Variants in CEP44 observed in about 807,000 individuals in gnomAD.
CEP44 encodes the protein centrosomal protein of 44 kDa.
In CEP44, 45 loss-of-function variants were observed where a neutral mutation model predicts 46.7. The ratio of observed to expected loss-of-function variants is 0.96; its 90% CI spans 0.76 to 1.24. The LOEUF is 1.24. CEP44 is among the 50% of genes most tolerant of loss of function. The pLI, the probability that CEP44 is intolerant of heterozygous loss-of-function variation, is 0.00. For missense variants in CEP44, 475 were observed against 459.7 expected, an observed-to-expected ratio of 1.03 and a Z score of -0.30; for synonymous variants, 142 against 146.0, an observed-to-expected ratio of 0.97 and a Z score of 0.20.
At position 174,308,762 on chromosome 4, in the gene CEP44, T is replaced by C. The variant is rs760278137; in HGVS notation, c.581T>C (p.Ile194Thr). Residue 194 changes from isoleucine to threonine, a missense_variant, in exon 7 of 12, where the codon ATA (isoleucine) becomes ACA (threonine). Transcript: ENST00000503780. The stretch of plus-strand genomic sequence containing the variant: ...ATTTCTGAGGATACATTAAGTCCAA[T>C]AACAGATGTTAATGAAGCAGTTGAT... ...VDISEDTLSP[I>T]TDVNEAVDVS... 2 of 1,613,310 alleles carry C rather than the reference T, an allele frequency of 1.2e-6. No individual in the cohort carries two copies. The highest frequency in any genetic ancestry group is 1.1e-5 in the South Asian group (1 of 91,044).
chr4:174,302,640 T>C (rs1432596504), intron 4 of CEP44, among the ~76,000 whole-genome samples: 2 of 152,170 alleles, frequency 1.3e-5, no homozygotes, highest in Non-Finnish European at 2.9e-5. Flanking sequence ...CTAGTATTTA[T>C]ACTTGTACTA....
rs1041979858 is a variant in CEP44, at chr4:174,312,014, A to G, written c.961+1156A>G. Among the ~76,000 whole-genome samples, 7 of 152,204 alleles carry G rather than the reference A, an allele frequency of 4.6e-5. No individual in the cohort carries two copies. Among genetic ancestry groups the G allele is most frequent in the Non-Finnish European group, 7.4e-5 (5 of 68,026 alleles). ...ATTCAACAAATGTTAATGCTTGAGT[A>G]TAAGATCCTTGAGAGCAAAAACTTT... is the stretch of plus-strand genomic sequence containing the variant. On this transcript the variant is annotated intron_variant, in intron 9 of 11. Transcript: ENST00000503780. The surrounding 1 kb of genome is among the most constrained non-coding windows in gnomAD (Gnocchi z 4.5).
Position 174,309,096 on chromosome 4 carries a change from T to TA in CEP44, c.678+238dup, listed in dbSNP as rs891758177. ...TGGGGTGATGCAAAGTAGAATAAGATATGGTACTTGGCTTTAAGGAATCTA... is the reference window on the plus strand; with the variant it reads ...TGGGGTGATGCAAAGTAGAATAAGATAATGGTACTTGGCTTTAAGGAATCTA... On this transcript the variant is annotated intron_variant, in intron 7 of 11. Coordinates refer to ENST00000503780, the MANE Select transcript of CEP44 (RefSeq NM_001040157.3). This position sits in a 1 kb window ranked among gnomAD's most constrained non-coding sequence, Gnocchi z 5.3. Among the ~76,000 whole-genome samples the TA allele has an allele frequency of 5.3e-5, 8 of 152,128 alleles. No individual in the cohort carries two copies. The highest frequency in any genetic ancestry group is 1.9e-4 in the African/African-American group (8 of 41,448).
chr4:174,313,169 C>G (rs549660032), intron 9 of CEP44, among the ~76,000 whole-genome samples: 2 of 152,036 alleles, frequency 1.3e-5, no homozygotes, highest in South Asian at 2.1e-4. Flanking sequence ...CTTGTTTTGT[C>G]TATGTTCGGA....
chr4:174,320,775 A>G (rs1037822237), downstream of CEP44, among the ~76,000 whole-genome samples: 12 of 151,650 alleles, frequency 7.9e-5, no homozygotes, highest in African/African-American at 2.9e-4. Context: ...TTACTGAACC[A>G]TTTAAGCAGC....
At chr4:174,320,444 T>A, downstream of CEP44, 1 of 486,644 alleles carries the variant, frequency 2.1e-6, no homozygotes, top group Non-Finnish European at 2.7e-6. Context: ...CTTTTTGAGC[T>A]CAAATAACAT....
intron 1 of CEP44, among the ~76,000 whole-genome samples, chr4:174,294,725 A>ACC (rs1456880643): frequency 9.5e-6 from 1 of 105,596 alleles, no homozygotes; most frequent in African/African-American, 3.8e-5. Context: ...CGGGGGGCTG[A>ACC]CCACCCCCCA....
downstream of CEP44, among the ~76,000 whole-genome samples, chr4:174,322,580 C>T (rs754344151): frequency 3.3e-5 from 5 of 152,070 alleles, no homozygotes; most frequent in East Asian, 9.6e-4. Context: ...GTCCTCCCTG[C>T]GAAACTATGA....
Position 174,316,267 on chromosome 4 carries a change from T to C in CEP44, c.1063T>C (p.Cys355Arg). The C allele has an allele frequency of 6.2e-7, 1 of 1,611,378 alleles. No homozygotes were observed. The highest frequency in any genetic ancestry group is 1.1e-5 in the South Asian group (1 of 91,036). Residue 355 changes from cysteine (C) to arginine (R), a missense_variant, in exon 10 of 12, where the codon TGT becomes CGT. Coordinates refer to ENST00000503780, the MANE Select transcript of CEP44 (RefSeq NM_001040157.3). ...TCCCAGAGCCTCTACTGTTAATTAC[T>C]GTGGTTTGAATGAGATTTCAGAGGT... is the stretch of plus-strand genomic sequence containing the variant. ...STPRASTVNY[C>R]GLNEISEETT...
chr4:174,309,735 C>G lies in CEP44; in HGVS notation c.679-115C>G, dbSNP rs149601321. 525 of 707,294 alleles carry G rather than the reference C, an allele frequency of 7.4e-4. 2 individuals carry two copies. In the African/African-American group the frequency reaches 8.7e-3, roughly 12 times the overall value. 43.8% of individuals were successfully genotyped at this position (707,294 alleles called of 1,614,324 possible). A position where few individuals can be genotyped will look rare whatever the true frequency, so the allele number is the denominator to read the frequency against. On this transcript the variant is annotated intron_variant, in intron 7 of 11. Transcript: ENST00000503780. The surrounding 1 kb of genome is among the most constrained non-coding windows in gnomAD (Gnocchi z 5.3). ...ATCCAGAGATAGCTCTCTTAACTCT[C>G]AAGCAGGACGGTCTCTCCTAACTGT...
intron 6 of CEP44, among the ~76,000 whole-genome samples, chr4:174,306,714 G>A (rs537662888): frequency 9.2e-5 from 14 of 151,734 alleles, no homozygotes; most frequent in Non-Finnish European, 1.9e-4. Context: ...ATTGTAGGAG[G>A]ATCTTCTCAG....
intron 6 of CEP44, among the ~76,000 whole-genome samples, chr4:174,305,434 A>ACAGT (rs1740275611): frequency 6.6e-6 from 1 of 152,214 alleles, no homozygotes; most frequent in Admixed American, 6.5e-5. Context: ...AGGCTGGCTG[A>ACAGT]CAGAGCGAGA....
rs1741227333 is a variant in CEP44, at chr4:174,312,750, T to C, written c.961+1892T>C. On this transcript the variant is annotated intron_variant, in intron 9 of 11. Coordinates refer to ENST00000503780, the MANE Select transcript of CEP44 (RefSeq NM_001040157.3). This position sits in a 1 kb window ranked among gnomAD's most constrained non-coding sequence, Gnocchi z 4.5. Reference sequence around the variant, plus strand: ...CTAGATTAATTAAAAGACTCAAGTTTATAAAGACTTACACATTATACCTTA... The same window carrying C: ...CTAGATTAATTAAAAGACTCAAGTTCATAAAGACTTACACATTATACCTTA... 6.6e-6 allele frequency among the ~76,000 whole-genome samples: 1 copy of C among 152,214 alleles called. No individual in the cohort carries two copies. Among genetic ancestry groups the C allele is most frequent in the South Asian group, 2.1e-4 (1 of 4,836 alleles).
rs913897335 is a variant in CEP44 at position 174,297,494 on chromosome 4, G to T, written c.-147-472G>T. On this transcript the variant is annotated intron_variant, in intron 1 of 11. Coordinates refer to ENST00000503780, the MANE Select transcript of CEP44 (RefSeq NM_001040157.3). This position sits in a 1 kb window ranked among gnomAD's most constrained non-coding sequence, Gnocchi z 4.3. ...GCTGCAGGTTTATTGGGCAAGACCTGCCCTTTTCAATGGGGATTTTCCTCA... is the reference window on the plus strand; with the variant it reads ...GCTGCAGGTTTATTGGGCAAGACCTTCCCTTTTCAATGGGGATTTTCCTCA... 2.0e-5 allele frequency among the ~76,000 whole-genome samples: 3 copies of T among 152,128 alleles called. No homozygotes were observed. The highest frequency in any genetic ancestry group is 4.4e-5 in the Non-Finnish European group (3 of 68,016).
Position 174,318,730 on chromosome 4 carries a change from CTT to C in CEP44, c.*1348_*1349del, listed in dbSNP as rs1742007970. 2 of 780,740 alleles carry C rather than the reference CTT, an allele frequency of 2.6e-6. No homozygotes were observed. Among genetic ancestry groups the C allele is most frequent in the African/African-American group, 1.9e-5 (1 of 52,716 alleles). 48.4% of individuals were successfully genotyped at this position (780,740 alleles called of 1,614,324 possible). A position where few individuals can be genotyped will look rare whatever the true frequency, so the allele number is the denominator to read the frequency against. On this transcript the variant is annotated 3_prime_UTR_variant, in exon 12 of 12. Coordinates refer to ENST00000503780, the MANE Select transcript of CEP44 (RefSeq NM_001040157.3). ...AATATTGTTATATGAGTAGAAATCA[CTT>C]AAATTTTTTTTGTGTTTGTGAATTT...
At chr4:174,308,117 A>G (rs1740646096) in intron 6 of CEP44, among the ~76,000 whole-genome samples, 1 of 152,192 alleles carries the variant, frequency 6.6e-6, no homozygotes, top group Non-Finnish European at 1.5e-5. Flanking sequence ...TTAAGGGAAT[A>G]TAAATTGTTC....
downstream of CEP44, among the ~76,000 whole-genome samples, chr4:174,321,331 G>C (rs1208687772): frequency 3.9e-5 from 6 of 152,082 alleles, no homozygotes; most frequent in Non-Finnish European, 7.4e-5. Context: ...TTCACATTTA[G>C]TATCTTGGCC....
At chr4:174,285,100 G>A (rs1737429140) in intron 1 of CEP44, among the ~76,000 whole-genome samples, 1 of 152,246 alleles carries the variant, frequency 6.6e-6, no homozygotes, top group Non-Finnish European at 1.5e-5. Flanking sequence ...AAGGAAGCTA[G>A]AAAGGAATAT....
chr4:174,330,674 CT>C (rs35829153), intron 8 of CEP44, among the ~76,000 whole-genome samples: 40 of 152,124 alleles, frequency 2.6e-4, no homozygotes, highest in Non-Finnish European at 4.3e-4. Context: ...ACACCATAAT[CT>C]TTTTTATTAT....
Sources: gnomAD v4.1 joint callset for allele counts (sites outside exome capture counted in the v4.1 genomes callset) on GRCh38, gnomAD v4.1.1 for gene constraint, Gnocchi (gnomAD v3.1) non-coding constraint, MANE v1.5 for transcripts, NCBI Gene and HGNC (gene_info 2026-07-23, HGNC 2026-07-21) for gene names.